The following NELL1 variants were observed in gnomAD, a reference collection of about 807,000 sequenced individuals.
NELL1 encodes protein kinase C-binding protein NELL1.
In NELL1, 76 loss-of-function variants were observed where a neutral mutation model predicts 107.4. The observed-to-expected ratio is 0.71, with a 90% CI of 0.59 to 0.86. NELL1 has a LOEUF of 0.86. NELL1 is among the 40% of genes least tolerant of loss of function. The pLI, the probability that NELL1 is intolerant of heterozygous loss-of-function variation, is 0.00. For synonymous variants in NELL1, 353 were observed against 341.2 expected (o/e 1.03, Z -0.38); for missense variants, 1,024 against 1,005.5 (o/e 1.02, Z -0.25).
chr11:20,957,668 A>C (rs1851204639), intron 11 of NELL1, among the ~76,000 whole-genome samples: 1 of 152,200 alleles, frequency 6.6e-6, no homozygotes, highest in Non-Finnish European at 1.5e-5. Context: ...AAATTTAAAA[A>C]AATGAAAGAA....
intron 12 of NELL1, among the ~76,000 whole-genome samples, chr11:21,043,278 A>C (rs1194268930): frequency 1.3e-5 from 2 of 152,082 alleles, no homozygotes; most frequent in African/African-American, 4.8e-5. Context: ...AGAGATTGAA[A>C]AGCTCTGGCT....
intron 15 of NELL1, among the ~76,000 whole-genome samples, chr11:21,402,006 C>T (rs77876377): frequency 0.013 from 1,935 of 151,808 alleles, 56 homozygotes; most frequent in African/African-American, 0.045. Flanking sequence ...CAGGAAAAGC[C>T]GCTTTCATTT....
At chr11:21,036,715 A>ATC (rs890550818) in intron 12 of NELL1, among the ~76,000 whole-genome samples, 5 of 150,094 alleles carry the variant, frequency 3.3e-5, no homozygotes, top group South Asian at 2.1e-4. Context: ...AATTTCAGTG[A>ATC]TCTCTCTCTC....
intron 11 of NELL1, among the ~76,000 whole-genome samples, chr11:20,956,003 GAGGTC>G (rs1441358333): frequency 3.3e-5 from 5 of 152,046 alleles, no homozygotes; most frequent in Non-Finnish European, 7.4e-5. Context: ...GCTGGATCAT[GAGGTC>G]AGGAGTTAGA....
At chr11:20,789,693 A>G (rs758134872) in intron 3 of NELL1, among the ~76,000 whole-genome samples, 13 of 152,238 alleles carry the variant, frequency 8.5e-5, no homozygotes, top group Admixed American at 6.5e-4. Context: ...AGCAAGATGA[A>G]GAGAAGCTTT....
chr11:20,674,038 C>A (rs560042436), intron 1 of NELL1, among the ~76,000 whole-genome samples: 1 of 152,112 alleles, frequency 6.6e-6, no homozygotes, highest in Admixed American at 6.6e-5. Context: ...TATCCAGAAG[C>A]CTAATTGATT....
chr11:21,570,682 C>A (rs4922847), intron 17 of NELL1, 82 bp from the exon 18 acceptor site: 1,106,746 of 1,414,380 alleles, frequency 0.78, 443,168 homozygotes, highest in Non-Finnish European at 0.83. Context: ...GGTGACCAAA[C>A]ATCCAAGAAG....
chr11:20,924,889 C>T (rs746960848), intron 7 of NELL1, among the ~76,000 whole-genome samples: 10 of 152,114 alleles, frequency 6.6e-5, no homozygotes, highest in Non-Finnish European at 1.2e-4. Flanking sequence ...GTGGATTCAA[C>T]CAACCATGGA....
At chr11:20,929,964 TG>T (rs1850583300) in intron 9 of NELL1, among the ~76,000 whole-genome samples, 1 of 143,360 alleles carries the variant, frequency 7.0e-6, no homozygotes, top group East Asian at 2.1e-4. Context: ...AGAGTGAGTC[TG>T]TCTCAAAAAA....
intron 15 of NELL1, among the ~76,000 whole-genome samples, chr11:21,412,761 C>A (rs1273052385): frequency 2.0e-5 from 3 of 152,042 alleles, no homozygotes; most frequent in Admixed American, 6.6e-5. Context: ...TGGATAGAAT[C>A]TAACCCCTTA....
intron 13 of NELL1, among the ~76,000 whole-genome samples, chr11:21,137,440 A>G (rs371506299): frequency 2.0e-5 from 3 of 152,314 alleles, no homozygotes; most frequent in African/African-American, 7.2e-5. Context: ...GTATTTGGCA[A>G]GAAGAGAGTC....
intron 14 of NELL1, among the ~76,000 whole-genome samples, chr11:21,233,023 G>A (rs992544305): frequency 6.6e-6 from 1 of 152,178 alleles, no homozygotes; most frequent in African/African-American, 2.4e-5. Flanking sequence ...TCATAGACTT[G>A]ACTAAATCTG....
At chr11:21,526,784 G>T (rs1056712983) in intron 15 of NELL1, among the ~76,000 whole-genome samples, 1 of 152,196 alleles carries the variant, frequency 6.6e-6, no homozygotes, top group African/African-American at 2.4e-5. Flanking sequence ...CAGCTGGGAT[G>T]CAGGGCACCA....
chr11:21,157,893 G>A (rs918814386), intron 13 of NELL1, among the ~76,000 whole-genome samples: 4 of 152,124 alleles, frequency 2.6e-5, no homozygotes, highest in Non-Finnish European at 5.9e-5. Context: ...TTAAGTATCA[G>A]CTTCATTGGA....
intron 13 of NELL1, among the ~76,000 whole-genome samples, chr11:21,115,562 T>C (rs1855215735): frequency 6.7e-6 from 1 of 148,316 alleles, no homozygotes; most frequent in South Asian, 2.1e-4. Context: ...AAATATTTTA[T>C]GTGAGTTTTT....
intron 15 of NELL1, among the ~76,000 whole-genome samples, chr11:21,502,522 G>A (rs1171007647): frequency 3.9e-5 from 6 of 152,266 alleles, no homozygotes; most frequent in Admixed American, 1.3e-4. Context: ...AAGCGCTCTA[G>A]GTATTTCTGA....
intron 2 of NELL1, among the ~76,000 whole-genome samples, chr11:20,721,795 A>G (rs1392319377): frequency 6.6e-6 from 1 of 152,104 alleles, no homozygotes; most frequent in Non-Finnish European, 1.5e-5. Context: ...GGGTAAAGAG[A>G]AGGACTTTGG....
At chr11:21,219,599 T>C (rs1341161042) in intron 13 of NELL1, among the ~76,000 whole-genome samples, 1 of 152,220 alleles carries the variant, frequency 6.6e-6, no homozygotes, top group Non-Finnish European at 1.5e-5. Context: ...CTAGTAGTTT[T>C]ATTAATTTAG....
intron 12 of NELL1, among the ~76,000 whole-genome samples, chr11:21,010,114 G>C (rs1265253565): frequency 6.6e-6 from 1 of 151,938 alleles, no homozygotes; most frequent in Non-Finnish European, 1.5e-5. Context: ...TCTCTTAGTA[G>C]AGCATTGTTT....
Sources: allele counts gnomAD v4.1 joint callset (sites outside exome capture counted in the v4.1 genomes callset), GRCh38; gene constraint gnomAD v4.1.1; transcripts MANE v1.5; gene names NCBI Gene and HGNC (gene_info 2026-07-23, HGNC 2026-07-21).